The following PARD3 variants were observed in gnomAD, a reference collection of about 807,000 sequenced individuals.
PARD3 encodes the protein par-3 family cell polarity regulator, also known as partitioning defective 3 homolog.
PARD3 carries 75 observed loss-of-function variants against 155.4 expected under a neutral mutation model. The observed-to-expected ratio is 0.48, with a 90% CI of 0.40 to 0.58. The LOEUF is 0.58. Ranked by LOEUF, PARD3 falls within the 20% of genes least tolerant of loss-of-function variation. The pLI, the probability that PARD3 is intolerant of heterozygous loss-of-function variation, is 0.00. For synonymous variants in PARD3, 576 were observed against 610.5 expected (o/e 0.94, Z 0.83); for missense variants, 1,642 against 1,721.7 (o/e 0.95, Z 0.82).
intron 22 of PARD3, among the ~76,000 whole-genome samples, chr10:34,161,670 A>G (rs1424195357): frequency 1.3e-5 from 2 of 152,224 alleles, no homozygotes. Context: ...AAAACATAAA[A>G]GAACAAAAAG....
chr10:34,467,692 G>A (rs1351942318), intron 4 of PARD3, among the ~76,000 whole-genome samples: 1 of 152,080 alleles, frequency 6.6e-6, no homozygotes, highest in Non-Finnish European at 1.5e-5. Context: ...GTTGTAGTGA[G>A]CTGAGATTGC....
At chr10:34,750,001 G>A (rs1327598073) in intron 1 of PARD3, among the ~76,000 whole-genome samples, 2 of 150,974 alleles carry the variant, frequency 1.3e-5, no homozygotes, top group Admixed American at 6.6e-5. Context: ...CAGCCTAGGC[G>A]ACAGAACGAG....
chr10:34,257,623 A>C (rs1322642900), intron 22 of PARD3, among the ~76,000 whole-genome samples: 2 of 152,206 alleles, frequency 1.3e-5, no homozygotes, highest in African/African-American at 2.4e-5. Context: ...CTGCTGGAGG[A>C]TTATTTGCCT....
At chr10:34,286,991 T>C (rs1272213252) in intron 20 of PARD3, among the ~76,000 whole-genome samples, 1 of 151,956 alleles carries the variant, frequency 6.6e-6, no homozygotes, top group Non-Finnish European at 1.5e-5. Flanking sequence ...GCCAAGCAAC[T>C]GGAAGAAAGG....
chr10:34,613,786 T>C (rs2091070055), intron 2 of PARD3, among the ~76,000 whole-genome samples: 3 of 152,224 alleles, frequency 2.0e-5, no homozygotes, highest in Admixed American at 6.5e-5. Context: ...GATTCTCAGT[T>C]TATGGGAGAA....
chr10:34,131,283 A>T (rs1459954277), intron 23 of PARD3, among the ~76,000 whole-genome samples, 180 bp downstream of exon 23: 3 of 152,258 alleles, frequency 2.0e-5, no homozygotes, highest in African/African-American at 4.8e-5. Flanking sequence ...AACAAGATAT[A>T]AAATGAAATT....
chr10:34,269,183 T>C (rs931793536), intron 22 of PARD3, among the ~76,000 whole-genome samples: 14 of 152,218 alleles, frequency 9.2e-5, no homozygotes, highest in African/African-American at 3.4e-4. Flanking sequence ...TCTGTTATAC[T>C]ATATTATTCT....
chr10:34,345,448 C>T (rs886900893), intron 15 of PARD3: 1 of 984,530 alleles, frequency 1.0e-6, no homozygotes, highest in African/African-American at 1.7e-5. Flanking sequence ...TACAAAGTTC[C>T]TTTTGTATCA....
At position 34,331,335 on chromosome 10, in the gene PARD3, C is replaced by A; in HGVS notation, c.2615G>T (p.Ser872Ile). 1 of 1,608,508 alleles carries A rather than the reference C, an allele frequency of 6.2e-7. No homozygotes were observed. Among genetic ancestry groups the A allele is most frequent in the Non-Finnish European group, 8.5e-7 (1 of 1,175,244 alleles). Reference protein sequence around the residue: ...TVDDQKAGSPSRDVGPSLGLK... With the variant: ...TVDDQKAGSPIRDVGPSLGLK... Reference sequence around the variant, plus strand: ...ACCCAGGGAAGGACCCACATCTCTGCTGGGAGAACCTGGGAGGTTTACAAG... The same window carrying A: ...ACCCAGGGAAGGACCCACATCTCTGATGGGAGAACCTGGGAGGTTTACAAG... The change falls in exon 19 of 25, where the codon AGC (serine) becomes ATC (isoleucine). Residue 872 changes from serine (S) to isoleucine (I), a missense_variant. Physicochemically the swap from Ser to Ile is moderately radical, Grantham distance 142. Around this residue, in one of 3 missense-constraint regions of PARD3, gnomAD observed 1,529 missense variants for 1,587.3 expected, o/e 0.96. Transcript: ENST00000374788.
At chr10:34,710,302 G>A (rs1342830706) in intron 1 of PARD3, among the ~76,000 whole-genome samples, 1 of 152,174 alleles carries the variant, frequency 6.6e-6, no homozygotes, top group African/African-American at 2.4e-5. Context: ...TACAGCCATA[G>A]ACAAAAGAAC....
At chr10:34,442,525 G>C (rs894907515) in intron 5 of PARD3, among the ~76,000 whole-genome samples, 2 of 152,162 alleles carry the variant, frequency 1.3e-5, no homozygotes, top group African/African-American at 4.8e-5. Context: ...CTACGCATTC[G>C]AGGCCAACCT....
chr10:34,307,736 G>A (rs1398498947), intron 20 of PARD3, among the ~76,000 whole-genome samples: 1 of 152,170 alleles, frequency 6.6e-6, no homozygotes, highest in Non-Finnish European at 1.5e-5. Context: ...AATGGCCACT[G>A]AAGGGGTTTG....
At chr10:34,547,046 T>G (rs374030290) in intron 2 of PARD3, among the ~76,000 whole-genome samples, 53 of 152,328 alleles carry the variant, frequency 3.5e-4, no homozygotes, top group East Asian at 3.1e-3. Flanking sequence ...TGTTTGATAA[T>G]AAGAACACAG....
chr10:34,178,755 G>C (rs1950141393), intron 22 of PARD3, among the ~76,000 whole-genome samples: 1 of 152,174 alleles, frequency 6.6e-6, no homozygotes, highest in Admixed American at 6.5e-5. Flanking sequence ...AAACAATTTG[G>C]TGATAATGGA....
chr10:34,368,180 C>T (rs1177068335), intron 12 of PARD3, among the ~76,000 whole-genome samples: 1 of 152,002 alleles, frequency 6.6e-6, no homozygotes, highest in Non-Finnish European at 1.5e-5. Context: ...ACCCAGGAGG[C>T]GGAGGCTCCA....
intron 2 of PARD3, among the ~76,000 whole-genome samples, chr10:34,563,529 C>T (rs1184250230): frequency 1.9e-5 from 2 of 105,626 alleles, no homozygotes; most frequent in Admixed American, 1.9e-4. Context: ...ACCACGCCTG[C>T]TAATTTTTTT....
intron 2 of PARD3, among the ~76,000 whole-genome samples, chr10:34,644,081 A>G (rs114730432): frequency 0.017 from 2,600 of 152,276 alleles, 71 homozygotes; most frequent in African/African-American, 0.059. Context: ...ATACTACAAA[A>G]CTGTCCACTG....
intron 15 of PARD3, chr10:34,343,605 G>A (rs1350320029): frequency 1.0e-6 from 1 of 985,208 alleles, no homozygotes; most frequent in Non-Finnish European, 1.2e-6. Flanking sequence ...ATAGTTTTGG[G>A]TTATGGCTCC....
At chr10:34,413,561 T>C (rs140864431) in intron 5 of PARD3, among the ~76,000 whole-genome samples, 1 of 152,226 alleles carries the variant, frequency 6.6e-6, no homozygotes, top group East Asian at 1.9e-4. Flanking sequence ...TCATAGCCCT[T>C]TTATCCAGAT....
Sources: gnomAD v4.1 joint callset for allele counts (sites outside exome capture counted in the v4.1 genomes callset) on GRCh38, gnomAD v4.1.1 for gene constraint, gnomAD v4.1.1 regional missense constraint, MANE v1.5 for transcripts, NCBI Gene and HGNC (gene_info 2026-07-23, HGNC 2026-07-21) for gene names.